ATG10: variants seen among roughly 807,000 people sequenced by gnomAD.
ATG10 encodes ubiquitin-like-conjugating enzyme ATG10.
Under a neutral mutation model 32.1 loss-of-function variants are expected in ATG10, and 30 were observed. That is an observed-to-expected ratio of 0.94 (90% CI 0.70 to 1.27). ATG10 has a LOEUF of 1.27. Among genes scored for constraint, ATG10 ranks in the 50% most tolerant of loss-of-function variants. The pLI, the probability that ATG10 is intolerant of heterozygous loss-of-function variation, is 0.00. For missense variants in ATG10, 233 were observed against 262.3 expected (o/e 0.89, Z 0.77); for synonymous variants, 87 against 91.5 (o/e 0.95, Z 0.28).
chr5:82,116,860 A>G (rs940391430), intron 3 of ATG10, among the ~76,000 whole-genome samples: 41 of 151,914 alleles, frequency 2.7e-4, no homozygotes, highest in African/African-American at 9.9e-4. Context: ...GCTTGTATTT[A>G]TTTGCATTTT....
chr5:82,106,228 A>G (rs939581947), intron 3 of ATG10, among the ~76,000 whole-genome samples: 1 of 152,192 alleles, frequency 6.6e-6, no homozygotes, highest in Non-Finnish European at 1.5e-5. Context: ...TAAAAATGGC[A>G]TTGAAATGGT....
chr5:82,191,404 T>G (rs374772201), intron 5 of ATG10, among the ~76,000 whole-genome samples: 2 of 152,340 alleles, frequency 1.3e-5, no homozygotes, highest in East Asian at 3.9e-4. Flanking sequence ...TTCATTATAT[T>G]TGCATAAATG....
chr5:82,200,463 CTTTTTTTTTTTTT>C (rs764388608), intron 5 of ATG10, among the ~76,000 whole-genome samples: 11 of 52,558 alleles, frequency 2.1e-4, no homozygotes, highest in East Asian at 1.6e-3. Flanking sequence ...TCCCTAACTT[CTTTTTTTTTTTTT>C]TTTTTTTTTT....
intron 4 of ATG10, among the ~76,000 whole-genome samples, chr5:82,172,136 A>C (rs1487845011): frequency 6.6e-6 from 1 of 152,184 alleles, no homozygotes; most frequent in Non-Finnish European, 1.5e-5. Flanking sequence ...AAATCATGAA[A>C]GGGAAAATTC....
At chr5:82,148,516 A>G (rs1255499391) in intron 3 of ATG10, among the ~76,000 whole-genome samples, 3 of 152,176 alleles carry the variant, frequency 2.0e-5, no homozygotes, top group African/African-American at 7.2e-5. Context: ...CATTCAACAT[A>G]CAGATAAACC....
intron 3 of ATG10, among the ~76,000 whole-genome samples, chr5:82,131,140 A>G (rs555244901): frequency 1.3e-5 from 2 of 152,248 alleles, no homozygotes; most frequent in African/African-American, 4.8e-5. Flanking sequence ...CACGGGATCC[A>G]TACTCCAAAT....
chr5:82,137,070 G>A (rs1451446526), intron 3 of ATG10, among the ~76,000 whole-genome samples: 2 of 151,906 alleles, frequency 1.3e-5, no homozygotes, highest in South Asian at 2.1e-4. Flanking sequence ...CAGGTCATTT[G>A]TGTTCTTCTC....
intron 1 of ATG10, among the ~76,000 whole-genome samples, chr5:81,985,661 G>C (rs1761242670): frequency 6.6e-6 from 1 of 152,104 alleles, no homozygotes; most frequent in South Asian, 2.1e-4. Context: ...AATCTTTTCA[G>C]TTGTATTGTC....
intron 3 of ATG10, among the ~76,000 whole-genome samples, chr5:82,101,768 T>C (rs1180225747): frequency 1.3e-5 from 2 of 152,166 alleles, no homozygotes; most frequent in Non-Finnish European, 2.9e-5. Context: ...AGAGACCTGA[T>C]ATGTAGTTTT....
chr5:82,166,571 T>C (rs1465788840), intron 4 of ATG10, among the ~76,000 whole-genome samples: 5 of 152,334 alleles, frequency 3.3e-5, no homozygotes, highest in Non-Finnish European at 7.4e-5. Flanking sequence ...ATTTTTAAAA[T>C]GTATCAACCT....
intron 4 of ATG10, among the ~76,000 whole-genome samples, chr5:82,168,177 CT>C (rs1248541041): frequency 6.6e-6 from 1 of 151,986 alleles, no homozygotes; most frequent in Non-Finnish European, 1.5e-5. Flanking sequence ...ATTCCCTGAC[CT>C]TTTTATGTCT....
chr5:82,218,697 A>C (rs1179358048), intron 5 of ATG10, among the ~76,000 whole-genome samples: 1 of 152,212 alleles, frequency 6.6e-6, no homozygotes, highest in East Asian at 1.9e-4. Context: ...GCTAACACCA[A>C]AATCGATAAA....
intron 3 of ATG10, among the ~76,000 whole-genome samples, chr5:82,119,475 T>C (rs147439706): frequency 6.6e-6 from 1 of 152,214 alleles, no homozygotes; most frequent in East Asian, 1.9e-4. Flanking sequence ...TTTTTTCTTT[T>C]TGAGATGGAA....
intron 2 of ATG10, among the ~76,000 whole-genome samples, chr5:82,050,051 C>G (rs1413567909): frequency 4.6e-5 from 7 of 152,064 alleles, no homozygotes; most frequent in Non-Finnish European, 1.0e-4. Flanking sequence ...AATTTGTTTT[C>G]TATGCACATA....
At chr5:82,128,684 G>T (rs984707105) in intron 3 of ATG10, among the ~76,000 whole-genome samples, 5 of 117,368 alleles carry the variant, frequency 4.3e-5, no homozygotes, top group Non-Finnish European at 6.8e-5. Context: ...CAAAGGTCTG[G>T]TTACCCACAA....
At chr5:82,173,675 C>A (rs1442917104) in intron 4 of ATG10, among the ~76,000 whole-genome samples, 2 of 152,116 alleles carry the variant, frequency 1.3e-5, no homozygotes, top group Non-Finnish European at 2.9e-5. Flanking sequence ...TACACAGCCT[C>A]AATGTGACTA....
intron 2 of ATG10, among the ~76,000 whole-genome samples, chr5:81,989,278 G>A (rs539830836): frequency 6.6e-6 from 1 of 152,320 alleles, no homozygotes; most frequent in Non-Finnish European, 1.5e-5. Context: ...TCTGAGGAAC[G>A]AACAGTTTGG....
chr5:82,022,698 T>A (rs946100231), intron 2 of ATG10, among the ~76,000 whole-genome samples: 1 of 151,242 alleles, frequency 6.6e-6, no homozygotes, highest in Admixed American at 6.6e-5. Context: ...GTTATTTACA[T>A]ATATCTCATT....
intron 5 of ATG10, among the ~76,000 whole-genome samples, chr5:82,239,108 A>G (rs1746684057): frequency 6.6e-6 from 1 of 152,212 alleles, no homozygotes; most frequent in African/African-American, 2.4e-5. Flanking sequence ...GAAATATTTG[A>G]GAAAACAGAT....
Sources: allele counts gnomAD v4.1 joint callset (sites outside exome capture counted in the v4.1 genomes callset), GRCh38; gene constraint gnomAD v4.1.1; transcripts MANE v1.5; gene names NCBI Gene and HGNC (gene_info 2026-07-23, HGNC 2026-07-21).